The following MEGF11 variants were observed in gnomAD, a reference collection of about 807,000 sequenced individuals.
MEGF11 encodes multiple epidermal growth factor-like domains protein 11.
In MEGF11, 126 loss-of-function variants were observed where a neutral mutation model predicts 146.6. The observed-to-expected ratio is 0.86, with a 90% CI of 0.74 to 1.00. The LOEUF is 1.00. Among genes scored for constraint, MEGF11 ranks in the 50% least tolerant of loss-of-function variants. The pLI, the probability that MEGF11 is intolerant of heterozygous loss-of-function variation, is 0.00. For synonymous variants in MEGF11, 532 were observed against 583.4 expected, an observed-to-expected ratio of 0.91 and a Z score of 1.27; for missense variants, 1,509 against 1,521.2, an observed-to-expected ratio of 0.99 and a Z score of 0.13.
intron 1 of MEGF11, among the ~76,000 whole-genome samples, chr15:66,245,281 G>T (rs554671741): frequency 6.6e-6 from 1 of 152,224 alleles, no homozygotes; most frequent in East Asian, 1.9e-4. Flanking sequence ...AGGAACTTGG[G>T]CTTCATCTGG....
At chr15:66,151,452 T>C (rs1044129297) in intron 1 of MEGF11, among the ~76,000 whole-genome samples, 3 of 152,182 alleles carry the variant, frequency 2.0e-5, no homozygotes, top group African/African-American at 7.2e-5. Context: ...AGTTCCACTC[T>C]GCCACCAGTC....
intron 5 of MEGF11, among the ~76,000 whole-genome samples, chr15:66,039,154 G>A (rs1405720174): frequency 6.6e-6 from 1 of 152,174 alleles, no homozygotes; most frequent in Non-Finnish European, 1.5e-5. Flanking sequence ...TTTGAGGGAT[G>A]GCAGCGATGG....
intron 1 of MEGF11, among the ~76,000 whole-genome samples, chr15:66,131,193 G>A (rs1054764543): frequency 3.9e-5 from 6 of 152,200 alleles, no homozygotes; most frequent in African/African-American, 7.2e-5. Flanking sequence ...TGGGCAGGGC[G>A]GATAAAGGGA....
At chr15:66,040,452 A>G (rs1454601081) in intron 5 of MEGF11, 2 of 152,692 alleles carry the variant, frequency 1.3e-5, no homozygotes, top group Non-Finnish European at 2.9e-5. Context: ...TCACATAACA[A>G]TCATCTTTTA....
chr15:66,005,348 T>C (rs768309639), intron 5 of MEGF11, among the ~76,000 whole-genome samples: 2 of 152,186 alleles, frequency 1.3e-5, no homozygotes, highest in African/African-American at 2.4e-5. Flanking sequence ...CTTACAACAG[T>C]GAGTCTCTGA....
At chr15:66,073,205 C>A (rs748816464) in intron 5 of MEGF11, among the ~76,000 whole-genome samples, 2 of 152,150 alleles carry the variant, frequency 1.3e-5, no homozygotes, top group Non-Finnish European at 2.9e-5. Flanking sequence ...GGTGGCGAGG[C>A]CTCTGGTGTG....
At chr15:66,183,494 C>T (rs999617559) in intron 1 of MEGF11, among the ~76,000 whole-genome samples, 4 of 149,276 alleles carry the variant, frequency 2.7e-5, no homozygotes, top group African/African-American at 7.4e-5. Flanking sequence ...AGCAAGATTC[C>T]ATCCTGCCAC....
chr15:66,206,371 G>C (rs1232578481), intron 1 of MEGF11, among the ~76,000 whole-genome samples: 1 of 152,122 alleles, frequency 6.6e-6, no homozygotes, highest in Non-Finnish European at 1.5e-5. Context: ...GGCTGAAAGA[G>C]TGCTTAAAGA....
chr15:66,083,694 G>T (rs2085987849), intron 5 of MEGF11, among the ~76,000 whole-genome samples: 1 of 151,950 alleles, frequency 6.6e-6, no homozygotes, highest in Non-Finnish European at 1.5e-5. Context: ...TGGGGGCATT[G>T]CTTGAGGCCA....
At chr15:65,956,466 A>G (rs2080643191) in intron 10 of MEGF11, among the ~76,000 whole-genome samples, 1 of 152,200 alleles carries the variant, frequency 6.6e-6, no homozygotes, top group South Asian at 2.1e-4. Context: ...ACGGGTGAGG[A>G]AACAGAAGTG....
intron 5 of MEGF11, among the ~76,000 whole-genome samples, chr15:66,012,496 G>A (rs1018496091): frequency 1.3e-5 from 2 of 152,182 alleles, no homozygotes; most frequent in African/African-American, 4.8e-5. Flanking sequence ...CAGCCCAACT[G>A]ACTCCTCCTT....
chr15:65,912,938 A>C (rs192222898), intron 20 of MEGF11, among the ~76,000 whole-genome samples: 1 of 152,184 alleles, frequency 6.6e-6, no homozygotes, highest in African/African-American at 2.4e-5. Context: ...CCATGGAGCT[A>C]CCTGGAGAGA....
chr15:66,131,856 C>T (rs773073245), intron 1 of MEGF11, among the ~76,000 whole-genome samples: 19 of 152,200 alleles, frequency 1.2e-4, no homozygotes, highest in Non-Finnish European at 2.2e-4. Flanking sequence ...TTCCCAGTGA[C>T]ACAGCTCTAA....
At chr15:66,135,213 ACT>A (rs1185060021) in intron 1 of MEGF11, among the ~76,000 whole-genome samples, 1 of 152,146 alleles carries the variant, frequency 6.6e-6, no homozygotes, top group Admixed American at 6.5e-5. Flanking sequence ...GACTCTTCTA[ACT>A]CTGTACTTTT....
At chr15:66,172,395 T>C (rs1345868109) in intron 1 of MEGF11, among the ~76,000 whole-genome samples, 1 of 145,860 alleles carries the variant, frequency 6.9e-6, no homozygotes, top group Non-Finnish European at 1.5e-5. Context: ...TGGGCAGAGC[T>C]GTGTGGACAG....
At chr15:66,076,897 A>C (rs750026142) in intron 5 of MEGF11, among the ~76,000 whole-genome samples, 6 of 152,242 alleles carry the variant, frequency 3.9e-5, no homozygotes, top group Non-Finnish European at 7.3e-5. Context: ...AGCATTGCCC[A>C]GCTACCCAGA....
intron 19 of MEGF11, 174 bp from the exon 20 acceptor site, chr15:65,914,147 T>C: frequency 1.7e-6 from 1 of 599,052 alleles, no homozygotes; most frequent in Non-Finnish European, 3.0e-6. Context: ...CCTTCATCCC[T>C]AAAGGGGATG....
chr15:65,899,685 C>G lies in MEGF11; in HGVS notation c.3056-751G>C, dbSNP rs537453008. 1.0e-3 allele frequency among the ~76,000 whole-genome samples: 157 copies of G among 152,310 alleles called. 2 individuals carry two copies. The highest frequency in any genetic ancestry group is 3.3e-3 in the African/African-American group (139 of 41,556). ...TGTAATTGAGGTGTAAAAAGCACGT[C>G]AGTCTTAAGCTAGCCTTTGGAAAGT... On this transcript the variant is annotated intron_variant, in intron 24 of 25. Coordinates refer to ENST00000395614, the MANE Select transcript of MEGF11 (RefSeq NM_001385028.1).
chr15:65,972,648 C>CA (rs1322529666), intron 7 of MEGF11, among the ~76,000 whole-genome samples: 1 of 152,164 alleles, frequency 6.6e-6, no homozygotes, highest in Non-Finnish European at 1.5e-5. Context: ...GACAATGGAG[C>CA]AATGCCTTAA....
Sources: allele counts gnomAD v4.1 joint callset (sites outside exome capture counted in the v4.1 genomes callset), GRCh38; gene constraint gnomAD v4.1.1; transcripts MANE v1.5; gene names NCBI Gene and HGNC (gene_info 2026-07-23, HGNC 2026-07-21).